Variants in B3GALT1 observed in about 807,000 individuals in gnomAD.
B3GALT1 encodes beta-1,3-galactosyltransferase 1, also known as UDP-Gal:betaGlcNAc beta 1,3-galactosyltransferase, polypeptide 1.
A neutral mutation model predicts 23.2 loss-of-function variants in B3GALT1; 10 were observed. The observed-to-expected ratio is 0.43, with a 90% CI of 0.27 to 0.73. The LOEUF is 0.73. B3GALT1 is among the 30% of genes least tolerant of loss of function. The pLI is 0.21. For missense variants in B3GALT1, 299 were observed against 405.4 expected (o/e 0.74, Z 2.25); for synonymous variants, 156 against 141.5 (o/e 1.10, Z -0.73).
At chr2:167,711,684 A>C (rs1291083723) in intron 3 of B3GALT1, among the ~76,000 whole-genome samples, 1 of 152,186 alleles carries the variant, frequency 6.6e-6, no homozygotes, top group Non-Finnish European at 1.5e-5. Flanking sequence ...AAAAATTCCA[A>C]CTGGGAGTGG....
chr2:167,410,244 G>A (rs143160602), intron 1 of B3GALT1, among the ~76,000 whole-genome samples: 4,799 of 152,004 alleles, frequency 0.032, 138 homozygotes, highest in African/African-American at 0.075. Context: ...TGGCTCACAC[G>A]TGTAATCCCA....
intron 2 of B3GALT1, chr2:167,558,418 C>G (rs1464385996): frequency 6.5e-6 from 1 of 152,724 alleles, no homozygotes; most frequent in Non-Finnish European, 1.5e-5. Context: ...GTCTGAGGTA[C>G]CAGGTTCATC....
chr2:167,710,094 C>T (rs1018324029), intron 3 of B3GALT1, among the ~76,000 whole-genome samples: 2 of 152,094 alleles, frequency 1.3e-5, no homozygotes, highest in African/African-American at 2.4e-5. Flanking sequence ...GGTTTATTTA[C>T]CCCTAAAGAG....
chr2:167,601,987 A>G (rs1398140498), intron 2 of B3GALT1, among the ~76,000 whole-genome samples: 1 of 152,222 alleles, frequency 6.6e-6, no homozygotes. Flanking sequence ...AATATGTTTT[A>G]TATCAAAACA....
At chr2:167,537,979 C>T (rs1204198614) in intron 2 of B3GALT1, among the ~76,000 whole-genome samples, 1 of 152,188 alleles carries the variant, frequency 6.6e-6, no homozygotes, top group East Asian at 1.9e-4. Flanking sequence ...AGTGCCACCA[C>T]GCCTGGCTCA....
At chr2:167,825,490 A>AAT (rs1424919510) in intron 4 of B3GALT1, among the ~76,000 whole-genome samples, 1 of 146,928 alleles carries the variant, frequency 6.8e-6, no homozygotes, top group African/African-American at 2.5e-5. Flanking sequence ...TATATAAATT[A>AAT]TATATATATA....
rs1212103042 is a variant in B3GALT1, at chr2:167,716,084, C to T, written c.-352+69118C>T. The T allele has an allele frequency of 5.1e-6, 8 of 1,553,840 alleles. No individual in the cohort carries two copies. In the African/African-American group the frequency reaches 5.4e-5, roughly 11 times the overall value. On this transcript the variant is annotated intron_variant, in intron 3 of 4. Transcript: ENST00000392690. ...CCTCCATAGCGCCAAGCTGCTCTGG[C>T]GGTCACCGCAGTTAACACTGGCCAC...
intron 2 of B3GALT1, among the ~76,000 whole-genome samples, chr2:167,563,442 G>A (rs1396755245): frequency 1.5e-5 from 2 of 129,474 alleles, no homozygotes; most frequent in East Asian, 2.5e-4. Context: ...GGACAGGGGC[G>A]GCTGGCCAGG....
rs143554525 is a variant in B3GALT1 at position 167,552,404 on chromosome 2, G to A, written c.-410+62127G>A. On this transcript the variant is annotated intron_variant, in intron 2 of 4. Coordinates refer to ENST00000392690, the MANE Select transcript of B3GALT1 (RefSeq NM_020981.4). ...TTTATCTGTTTTTATGAAAATAAAC[G>A]CAAGTATTTATTTAGAATATAAAAA... 6.2e-4 allele frequency among the ~76,000 whole-genome samples: 95 copies of A among 152,056 alleles called. No individual in the cohort carries two copies. In the East Asian group the frequency reaches 0.017, roughly 27 times the overall value.
intron 1 of B3GALT1, among the ~76,000 whole-genome samples, chr2:167,355,947 G>A (rs934040682): frequency 6.6e-5 from 10 of 152,250 alleles, no homozygotes; most frequent in African/African-American, 2.4e-4. Flanking sequence ...TTTCAATATG[G>A]AAGAAAGAGA....
intron 1 of B3GALT1, among the ~76,000 whole-genome samples, chr2:167,401,274 C>G (rs1051040307): frequency 6.6e-6 from 1 of 152,118 alleles, no homozygotes; most frequent in African/African-American, 2.4e-5. Flanking sequence ...CTTCCTTCAG[C>G]AGGATAACCT....
chr2:167,698,670 A>G (rs1686823903), intron 3 of B3GALT1, among the ~76,000 whole-genome samples: 1 of 152,222 alleles, frequency 6.6e-6, no homozygotes, highest in Admixed American at 6.5e-5. Context: ...ATGAAGCACA[A>G]GACTTTGACA....
intron 1 of B3GALT1, among the ~76,000 whole-genome samples, chr2:167,415,556 A>G (rs1698455948): frequency 6.6e-6 from 1 of 152,282 alleles, no homozygotes; most frequent in Non-Finnish European, 1.5e-5. Flanking sequence ...GGAACTGGGT[A>G]ATGGGCTGCA....
At chr2:167,836,974 T>A (rs1689494243) in intron 4 of B3GALT1, among the ~76,000 whole-genome samples, 1 of 152,032 alleles carries the variant, frequency 6.6e-6, no homozygotes, top group South Asian at 2.1e-4. Context: ...GACAAGCAAA[T>A]GCTGAGAGAT....
chr2:167,446,811 C>T (rs74573858), intron 1 of B3GALT1, among the ~76,000 whole-genome samples: 3,661 of 152,132 alleles, frequency 0.024, 70 homozygotes, highest in South Asian at 0.063. Flanking sequence ...GTTCGAACAT[C>T]CTCCTTTAGC....
intron 2 of B3GALT1, among the ~76,000 whole-genome samples, chr2:167,641,068 A>G (rs567902677): frequency 2.0e-5 from 3 of 152,332 alleles, no homozygotes; most frequent in African/African-American, 7.2e-5. Context: ...CCTAGTAAAC[A>G]GTAATTGAGA....
intron 1 of B3GALT1, among the ~76,000 whole-genome samples, chr2:167,335,258 A>G (rs928346207): frequency 6.6e-6 from 1 of 152,148 alleles, no homozygotes; most frequent in African/African-American, 2.4e-5. Flanking sequence ...ATTTATTCTA[A>G]AAAGTAGATT....
intron 1 of B3GALT1, among the ~76,000 whole-genome samples, chr2:167,347,085 A>G (rs1229015687): frequency 6.6e-6 from 1 of 152,214 alleles, no homozygotes; most frequent in African/African-American, 2.4e-5. Context: ...TCACCAACTA[A>G]ATATTAGGTA....
intron 2 of B3GALT1, among the ~76,000 whole-genome samples, chr2:167,498,804 C>T (rs991246389): frequency 2.6e-5 from 4 of 152,064 alleles, no homozygotes; most frequent in African/African-American, 9.7e-5. Context: ...TTGCAGATCC[C>T]CATCATGCTG....
Sources: gnomAD v4.1 joint callset for allele counts (sites outside exome capture counted in the v4.1 genomes callset) on GRCh38, gnomAD v4.1.1 for gene constraint, MANE v1.5 for transcripts, NCBI Gene and HGNC (gene_info 2026-07-23, HGNC 2026-07-21) for gene names.